PDE8A: variants seen among roughly 807,000 people sequenced by gnomAD.
PDE8A encodes the protein phosphodiesterase 8A, also known as high affinity cAMP-specific and IBMX-insensitive 3',5'-cyclic phosphodiesterase 8A.
In PDE8A, 59 loss-of-function variants were observed where a neutral mutation model predicts 105.0. That is an observed-to-expected ratio of 0.56 (90% CI 0.46 to 0.70). The LOEUF (loss-of-function observed/expected upper bound fraction) is 0.70. Ranked by LOEUF, PDE8A falls within the 30% of genes least tolerant of loss-of-function variation. PDE8A has a pLI of 0.00. For synonymous variants in PDE8A, 355 were observed against 371.9 expected, an observed-to-expected ratio of 0.95 and a Z score of 0.52; for missense variants, 1,014 against 1,045.9, an observed-to-expected ratio of 0.97 and a Z score of 0.42.
intron 1 of PDE8A, among the ~76,000 whole-genome samples, chr15:85,039,102 CA>C (rs1290069156): frequency 7.0e-6 from 1 of 143,092 alleles, no homozygotes; most frequent in Non-Finnish European, 1.5e-5. Context: ...GCCTTAGTAA[CA>C]AGAGCGAAAC....
At chr15:85,113,023 G>C (rs17841204) in intron 12 of PDE8A, among the ~76,000 whole-genome samples, 13,998 of 152,146 alleles carry the variant, frequency 0.092, 1,740 homozygotes, top group African/African-American at 0.29. Context: ...TTGTCTTCCG[G>C]AACATTTTTA....
At chr15:85,023,033 G>C (rs769877503) in intron 1 of PDE8A, among the ~76,000 whole-genome samples, 2 of 152,202 alleles carry the variant, frequency 1.3e-5, no homozygotes, top group African/African-American at 2.4e-5. Context: ...TTAGCTCTTG[G>C]CAAGAGAACG....
chr15:85,024,007 G>A (rs2080470962), intron 1 of PDE8A, among the ~76,000 whole-genome samples: 1 of 127,406 alleles, frequency 7.8e-6, no homozygotes, highest in Non-Finnish European at 1.7e-5. Flanking sequence ...AGTGGAATTT[G>A]CTCAGATTTC....
intron 1 of PDE8A, among the ~76,000 whole-genome samples, chr15:85,012,441 C>T (rs1475727209): frequency 6.6e-6 from 1 of 150,596 alleles, no homozygotes; most frequent in Non-Finnish European, 1.5e-5. Flanking sequence ...AGTAAACTAT[C>T]ACAAGGACAA....
chr15:85,115,919 CAAAAAAA>C, intron 15 of PDE8A, 58 bp from the exon 16 acceptor site: 1 of 1,184,888 alleles, frequency 8.4e-7, no homozygotes, highest in Non-Finnish European at 1.2e-6. Flanking sequence ...GATTCCGTCT[CAAAAAAA>C]AAAAAAAAAG....
intron 1 of PDE8A, among the ~76,000 whole-genome samples, chr15:85,037,634 T>C (rs2080729545): frequency 1.3e-5 from 2 of 152,244 alleles, no homozygotes; most frequent in African/African-American, 4.8e-5. Context: ...TGTAGAAATA[T>C]GTCATTCCCT....
intron 1 of PDE8A, among the ~76,000 whole-genome samples, chr15:84,992,921 A>G (rs190442208): frequency 4.5e-4 from 68 of 152,338 alleles, no homozygotes; most frequent in Non-Finnish European, 8.7e-4. Context: ...TAAGGCCTAA[A>G]GAAGCAGAAA....
intron 1 of PDE8A, among the ~76,000 whole-genome samples, chr15:84,993,405 T>C (rs1385803643): frequency 7.8e-6 from 1 of 128,372 alleles, no homozygotes; most frequent in Non-Finnish European, 1.5e-5. Context: ...ATCGCGCCAC[T>C]GCAGTCCAGC....
intron 11 of PDE8A, 135 bp from the exon 12 acceptor site, chr15:85,108,918 C>T: frequency 1.6e-6 from 1 of 606,308 alleles, no homozygotes; most frequent in Non-Finnish European, 3.0e-6. Flanking sequence ...TAGTCTTCAT[C>T]TCTGTACTGT....
chr15:85,050,807 C>A (rs2080961151), intron 1 of PDE8A, among the ~76,000 whole-genome samples: 1 of 152,022 alleles, frequency 6.6e-6, no homozygotes, highest in African/African-American at 2.4e-5. Flanking sequence ...CCTTGAGATT[C>A]CATATGAATT....
intron 11 of PDE8A, among the ~76,000 whole-genome samples, chr15:85,101,834 G>A (rs747048668): frequency 2.3e-4 from 35 of 152,192 alleles, no homozygotes; most frequent in Non-Finnish European, 4.4e-4. Context: ...TGAGCCTGGA[G>A]ATTCAGGCAG....
intron 14 of PDE8A, 50 bp from the exon 15 acceptor site, chr15:85,115,389 G>T: frequency 2.4e-6 from 3 of 1,261,166 alleles, no homozygotes; most frequent in Non-Finnish European, 3.4e-6. Flanking sequence ...TTCCAGGAAG[G>T]AAAGAATAGT....
chr15:85,058,462 A>G (rs972972187), intron 1 of PDE8A, among the ~76,000 whole-genome samples: 1 of 152,106 alleles, frequency 6.6e-6, no homozygotes. Flanking sequence ...ATTTTTTGTA[A>G]AAGTTTGAGA....
intron 1 of PDE8A, among the ~76,000 whole-genome samples, chr15:85,056,850 A>C (rs376729321): frequency 1.3e-5 from 2 of 152,110 alleles, no homozygotes; most frequent in Non-Finnish European, 2.9e-5. Context: ...GCTTTGTTCC[A>C]TTGCTGGCGA....
At chr15:84,982,867 G>T (rs559734919) in intron 1 of PDE8A, among the ~76,000 whole-genome samples, 1 of 152,326 alleles carries the variant, frequency 6.6e-6, no homozygotes, top group South Asian at 2.1e-4. Flanking sequence ...ATGTAATCTG[G>T]AACATCAGCT....
At chr15:85,045,048 G>A (rs761101160) in intron 1 of PDE8A, among the ~76,000 whole-genome samples, 7 of 152,140 alleles carry the variant, frequency 4.6e-5, no homozygotes, top group Middle Eastern at 6.8e-3. Flanking sequence ...TATTTCCACT[G>A]TAGGTCCTGT....
At chr15:85,137,468 G>T (rs2082430286) in intron 21 of PDE8A, among the ~76,000 whole-genome samples, 1 of 147,750 alleles carries the variant, frequency 6.8e-6, no homozygotes, top group Non-Finnish European at 1.5e-5. Context: ...GGGGCGGGGG[G>T]GCAGGGGCAC....
At chr15:85,116,303 C>A in intron 16 of PDE8A, 184 bp downstream of exon 16, 1 of 566,592 alleles carries the variant, frequency 1.8e-6, no homozygotes, top group Non-Finnish European at 3.1e-6. Flanking sequence ...CTGCTGGCCA[C>A]AGTGATGGCA....
chr15:85,089,496 G>T, intron 7 of PDE8A, 80 bp downstream of exon 7: 6 of 706,174 alleles, frequency 8.5e-6, no homozygotes, highest in Non-Finnish European at 1.2e-5. Context: ...TCTCCAATAT[G>T]ATTTTTTTTT....
Sources: allele counts gnomAD v4.1 joint callset (sites outside exome capture counted in the v4.1 genomes callset), GRCh38; gene constraint gnomAD v4.1.1; transcripts MANE v1.5; gene names NCBI Gene and HGNC (gene_info 2026-07-23, HGNC 2026-07-21).